GABRB2: variants seen among roughly 807,000 people sequenced by gnomAD.
GABRB2 encodes gamma-aminobutyric acid type A receptor subunit beta2, also known as gamma-aminobutyric acid receptor subunit beta-2.
GABRB2 carries 16 observed loss-of-function variants against 54.7 expected under a neutral mutation model. That is an observed-to-expected ratio of 0.29 (90% CI 0.20 to 0.44). GABRB2 has a LOEUF of 0.44. Ranked by LOEUF, GABRB2 falls within the 20% of genes least tolerant of loss-of-function variation. The pLI, the probability that GABRB2 is intolerant of heterozygous loss-of-function variation, is 1.00. For missense variants in GABRB2, 355 were observed against 644.0 expected (o/e 0.55, Z 4.86); for synonymous variants, 244 against 233.8 (o/e 1.04, Z -0.40).
chr5:161,484,360 T>G (rs931818770), intron 3 of GABRB2, among the ~76,000 whole-genome samples: 8 of 151,920 alleles, frequency 5.3e-5, no homozygotes, highest in African/African-American at 1.9e-4. Flanking sequence ...CTTACTAACT[T>G]CCCTTCTCCA....
intron 4 of GABRB2, among the ~76,000 whole-genome samples, chr5:161,438,585 G>C (rs1478279360): frequency 6.6e-6 from 1 of 152,132 alleles, no homozygotes; most frequent in East Asian, 1.9e-4. Context: ...GAGAAAGAGA[G>C]ATGTGTGACC....
chr5:161,445,572 A>T (rs979713878), intron 4 of GABRB2, among the ~76,000 whole-genome samples: 1 of 151,544 alleles, frequency 6.6e-6, no homozygotes, highest in Non-Finnish European at 1.5e-5. Flanking sequence ...AATAGAAGAG[A>T]CTCTTTAAGT....
At chr5:161,420,736 C>A (rs1580971249) in intron 4 of GABRB2, among the ~76,000 whole-genome samples, 1 of 152,198 alleles carries the variant, frequency 6.6e-6, no homozygotes. Flanking sequence ...TGTAAATAGT[C>A]TTTTCATTGC....
intron 4 of GABRB2, among the ~76,000 whole-genome samples, chr5:161,412,361 A>G (rs1299728286): frequency 4.0e-5 from 6 of 151,850 alleles, no homozygotes; most frequent in Non-Finnish European, 5.9e-5. Flanking sequence ...CAATTCCTTC[A>G]TTTCTTTCCC....
intron 3 of GABRB2, among the ~76,000 whole-genome samples, chr5:161,540,807 T>C (rs998926713): frequency 1.3e-5 from 2 of 152,128 alleles, no homozygotes; most frequent in Non-Finnish European, 2.9e-5. Context: ...ATTATTTTCT[T>C]GTTGTTTTGT....
chr5:161,462,242 A>C (rs915068265), intron 3 of GABRB2, among the ~76,000 whole-genome samples: 1 of 152,132 alleles, frequency 6.6e-6, no homozygotes, highest in African/African-American at 2.4e-5. Flanking sequence ...GTTCTGCAGC[A>C]CTCTGCTTTA....
At chr5:161,460,900 A>G (rs1393011540) in intron 3 of GABRB2, among the ~76,000 whole-genome samples, 2 of 152,170 alleles carry the variant, frequency 1.3e-5, no homozygotes, top group East Asian at 1.9e-4. Flanking sequence ...TTGTGCAGAG[A>G]GCAGAGAAGG....
At chr5:161,546,917 T>G, upstream of GABRB2, 2 of 473,216 alleles carry the variant, frequency 4.2e-6, no homozygotes, top group African/African-American at 2.0e-5. Context: ...ATAAAATTTT[T>G]GTTGTTATCC....
intron 3 of GABRB2, among the ~76,000 whole-genome samples, chr5:161,538,639 C>A (rs566544930): frequency 1.3e-5 from 2 of 152,066 alleles, no homozygotes; most frequent in Non-Finnish European, 2.9e-5. Flanking sequence ...GCCTGGGCAA[C>A]GTGGTGAAAC....
intron 3 of GABRB2, among the ~76,000 whole-genome samples, chr5:161,532,107 T>C (rs1170805903): frequency 6.6e-6 from 1 of 152,174 alleles, no homozygotes; most frequent in East Asian, 1.9e-4. Flanking sequence ...TAGAGACACA[T>C]ACAGGGATGA....
intron 4 of GABRB2, among the ~76,000 whole-genome samples, chr5:161,413,027 C>A (rs989722233): frequency 6.6e-6 from 1 of 152,152 alleles, no homozygotes; most frequent in Non-Finnish European, 1.5e-5. Context: ...CACATCCTCC[C>A]AGAGTGCTGG....
intron 4 of GABRB2, among the ~76,000 whole-genome samples, chr5:161,449,198 A>G (rs930688708): frequency 6.6e-6 from 1 of 152,272 alleles, no homozygotes; most frequent in Admixed American, 6.5e-5. Context: ...TTTGAGTTCA[A>G]TCTGAGCCCT....
intron 9 of GABRB2, among the ~76,000 whole-genome samples, chr5:161,303,822 G>T (rs2113350079): frequency 6.6e-6 from 1 of 151,518 alleles, no homozygotes; most frequent in South Asian, 2.1e-4. Context: ...CTAATCCCAT[G>T]TTACTGTCTC....
intron 4 of GABRB2, among the ~76,000 whole-genome samples, chr5:161,412,512 T>C (rs1756546400): frequency 6.6e-6 from 1 of 152,090 alleles, no homozygotes; most frequent in Non-Finnish European, 1.5e-5. Context: ...CACTAAACAT[T>C]ATCCACACAA....
chr5:161,545,308 C>T lies in GABRB2; in HGVS notation c.170-14G>A, dbSNP rs761190890. 2.5e-6 allele frequency: 4 copies of T among 1,583,896 alleles called. No individual in the cohort carries two copies. The highest frequency in any genetic ancestry group is 2.3e-5 in the East Asian group (1 of 43,180). ...CCACGGGGGGACCTGCAAAGCAAGACGGCCAGCCACGTGATTTCTTTGAAC... is the reference window on the plus strand; with the variant it reads ...CCACGGGGGGACCTGCAAAGCAAGATGGCCAGCCACGTGATTTCTTTGAAC... On this transcript the variant is annotated splice_polypyrimidine_tract_variant and intron_variant, in intron 2 of 9. Transcript: ENST00000393959.
chr5:161,485,792 C>T (rs951823851), intron 3 of GABRB2, among the ~76,000 whole-genome samples: 28 of 151,848 alleles, frequency 1.8e-4, no homozygotes, highest in Admixed American at 6.6e-5. Flanking sequence ...TTCTGCAACT[C>T]CTATTGTAGC....
rs141151854 is a variant in GABRB2 at position 161,541,618 on chromosome 5, T to C, written c.237+3609A>G. Among the ~76,000 whole-genome samples the C allele has an allele frequency of 1.3e-5, 2 of 152,354 alleles. 1 individual carries two copies. Among genetic ancestry groups the C allele is most frequent in the Non-Finnish European group, 2.9e-5 (2 of 68,024 alleles). On this transcript the variant is annotated intron_variant, in intron 3 of 9. Transcript: ENST00000393959. The stretch of plus-strand genomic sequence containing the variant: ...TGAAGACAGCTTGTTTCCATAAACA[T>C]CCTAAAGCAGCCTCTGCTAGCTTCC...
chr5:161,410,334 C>T (rs1756469581), intron 5 of GABRB2, among the ~76,000 whole-genome samples: 6 of 151,672 alleles, frequency 4.0e-5, no homozygotes, highest in Admixed American at 1.3e-4. Flanking sequence ...AAGCTAAAAT[C>T]ATGGCCTAGG....
At chr5:161,495,956 A>G (rs529206771) in intron 3 of GABRB2, among the ~76,000 whole-genome samples, 1 of 152,278 alleles carries the variant, frequency 6.6e-6, no homozygotes, top group African/African-American at 2.4e-5. Flanking sequence ...TCACATTTGC[A>G]TCCCCACTGG....
Sources: gnomAD v4.1 joint callset for allele counts (sites outside exome capture counted in the v4.1 genomes callset) on GRCh38, gnomAD v4.1.1 for gene constraint, MANE v1.5 for transcripts, NCBI Gene and HGNC (gene_info 2026-07-23, HGNC 2026-07-21) for gene names.